The following KREMEN1 variants were observed in gnomAD, a reference collection of about 807,000 sequenced individuals.
KREMEN1 encodes kremen protein 1.
In KREMEN1, 30 loss-of-function variants were observed where a neutral mutation model predicts 46.5. The ratio of observed to expected loss-of-function variants is 0.65; its 90% CI spans 0.48 to 0.88. The LOEUF (loss-of-function observed/expected upper bound fraction) is 0.88. KREMEN1 is among the 40% of genes least tolerant of loss of function. The pLI is 0.00. For missense variants in KREMEN1, 533 were observed against 596.9 expected, an observed-to-expected ratio of 0.89 and a Z score of 1.11; for synonymous variants, 214 against 230.6, an observed-to-expected ratio of 0.93 and a Z score of 0.65.
At chr22:29,113,345 A>G (rs1467100198) in intron 3 of KREMEN1, among the ~76,000 whole-genome samples, 1 of 152,134 alleles carries the variant, frequency 6.6e-6, no homozygotes, top group South Asian at 2.1e-4. Flanking sequence ...CAGATGTAAG[A>G]GATTAATATT....
At chr22:29,088,626 G>C (rs2037765461) in intron 1 of KREMEN1, among the ~76,000 whole-genome samples, 1 of 152,084 alleles carries the variant, frequency 6.6e-6, no homozygotes, top group African/African-American at 2.4e-5. Context: ...CACCGCACCT[G>C]GCCTCAGAAT....
At chr22:29,128,916 C>G (rs1455222699) in intron 5 of KREMEN1, among the ~76,000 whole-genome samples, 1 of 152,180 alleles carries the variant, frequency 6.6e-6, no homozygotes, top group Non-Finnish European at 1.5e-5. Flanking sequence ...AATAACGGAT[C>G]CAGTTTTATG....
rs931416380 is a variant in KREMEN1, at chr22:29,132,143, A to C, written c.632-5199A>C. On this transcript the variant is annotated intron_variant, in intron 5 of 8. Transcript: ENST00000400335. ...CGCCTTTTCCTCCCAAAGTGCTGGG[A>C]TTACAGGTGTGAGCCACCACGACCG... 3.3e-5 allele frequency among the ~76,000 whole-genome samples: 5 copies of C among 152,220 alleles called. No homozygotes were observed. The East Asian group carries it at 9.6e-4, about 29-fold the overall frequency.
chr22:29,113,622 TTGA>T (rs1388056790), intron 3 of KREMEN1, among the ~76,000 whole-genome samples: 4 of 152,228 alleles, frequency 2.6e-5, no homozygotes, highest in Non-Finnish European at 4.4e-5. Flanking sequence ...CATTCCGCTG[TTGA>T]TGAAACTGAG....
At position 29,121,379 on chromosome 22, in the gene KREMEN1, C is replaced by G; in HGVS notation, c.375C>G (p.Tyr125Ter). The G allele has an allele frequency of 6.2e-7, 1 of 1,614,016 alleles. No individual in the cohort carries two copies. Among genetic ancestry groups the G allele is most frequent in the Non-Finnish European group, 8.5e-7 (1 of 1,179,982 alleles). The change falls in exon 4 of 9, where the codon TAC (tyrosine) becomes TAG (stop). Residue 125 changes from tyrosine (Y) to a stop codon, truncating the protein, a stop_gained. Transcript: ENST00000400335. LOFTEE classifies it high-confidence loss of function. ...TAGTGCCTGGAAACCTTGGCTGCTA[C>G]AAGGATCATGGAAACCCACCTCCTC... ...ACQMPGNLGC[Y>*]KDHGNPPPLT...
At chr22:29,154,076 C>T (rs1298134645) in intron 9 of KREMEN1, among the ~76,000 whole-genome samples, 5 of 152,110 alleles carry the variant, frequency 3.3e-5, no homozygotes, top group African/African-American at 1.2e-4. Context: ...AGTGACTGGC[C>T]TGTGAGTCCT....
At position 29,142,069 on chromosome 22, in the gene KREMEN1, G is replaced by A. The variant is rs1278145555; in HGVS notation, c.1334G>A (p.Gly445Asp). ...TCCATCTTTAAGAAGAAACTCAAGG[G>A]TCAGAGTCAACAAGATGACCGCAAT... ...SISIFKKKLK[G>D]QSQQDDRNPL... is the part of the protein sequence containing the mutation. Residue 445 changes from glycine (G) to aspartate (D), a missense_variant, in exon 9 of 9, where the codon GGT (glycine) becomes GAT (aspartate). Transcript: ENST00000400335. The A allele has an allele frequency of 6.2e-7, 1 of 1,612,464 alleles. No homozygotes were observed. Among genetic ancestry groups the A allele is most frequent in the South Asian group, 1.1e-5 (1 of 90,748 alleles).
rs745457999 is a variant in KREMEN1, at chr22:29,125,344, G to A, written c.559G>A (p.Glu187Lys). Residue 187 changes from glutamate to lysine, a missense_variant, in exon 5 of 9, where the codon GAA becomes AAA. Coordinates refer to ENST00000400335, the MANE Select transcript of KREMEN1 (RefSeq NM_001039570.3). Reference protein sequence around the residue: ...YWKYGEAASTECNSVCFGDHT... With the variant: ...YWKYGEAASTKCNSVCFGDHT... ...GAAGTACGGGGAGGCAGCCAGTACC[G>A]AATGCAACAGCGTCTGCTTCGGGGA... is the stretch of plus-strand genomic sequence containing the variant. 134 of 1,614,066 alleles carry A rather than the reference G, an allele frequency of 8.3e-5. No individual in the cohort carries two copies. The highest frequency in any genetic ancestry group is 1.0e-4 in the Non-Finnish European group (121 of 1,180,038).
chr22:29,152,376 C>T (rs1325421312), intron 9 of KREMEN1, among the ~76,000 whole-genome samples: 1 of 152,378 alleles, frequency 6.6e-6, no homozygotes, highest in East Asian at 1.9e-4. Context: ...ATTTGCCACC[C>T]TCAGCAATTC....
At chr22:29,087,573 T>C (rs1039220226) in intron 1 of KREMEN1, among the ~76,000 whole-genome samples, 2 of 151,280 alleles carry the variant, frequency 1.3e-5, no homozygotes, top group Admixed American at 6.6e-5. Context: ...ATGTCAAGTT[T>C]TTTTTTTTTT....
Position 29,137,409 on chromosome 22 carries a change from C to T in KREMEN1, c.699C>T (p.Pro233=), listed in dbSNP as rs376747118. Residue 233 remains proline (P), a synonymous_variant, in exon 6 of 9, where the codon CCC becomes CCT. Transcript: ENST00000400335. The part of the protein sequence containing the change: ...MSSVVYSPDF[P]DTYATGRVCY... The stretch of plus-strand genomic sequence containing the variant: ...CTGTGGTCTATTCCCCTGACTTCCC[C>T]GACACCTATGCCACGGGGAGGGTCT... The T allele has an allele frequency of 2.4e-5, 37 of 1,573,048 alleles. No homozygotes were observed. The Admixed American group carries it at 2.9e-4, about 12-fold the overall frequency.
chr22:29,153,437 C>G (rs2145869298), intron 9 of KREMEN1, among the ~76,000 whole-genome samples: 1 of 152,316 alleles, frequency 6.6e-6, no homozygotes, highest in Admixed American at 6.5e-5. Flanking sequence ...CAGCCTCACT[C>G]TCCTGGGTTT....
At chr22:29,086,643 GC>G (rs2037732961) in intron 1 of KREMEN1, among the ~76,000 whole-genome samples, 1 of 152,200 alleles carries the variant, frequency 6.6e-6, no homozygotes, top group East Asian at 1.9e-4. Context: ...AGGGTAGTCT[GC>G]CCAGGGGCTT....
chr22:29,151,871 G>A (rs1321333502), intron 9 of KREMEN1, among the ~76,000 whole-genome samples: 1 of 151,982 alleles, frequency 6.6e-6, no homozygotes, highest in African/African-American at 2.4e-5. Flanking sequence ...TTAGCCAGGT[G>A]TGGTAGCACA....
chr22:29,167,014 C>T (rs773677797), intron 9 of KREMEN1: 19 of 1,522,886 alleles, frequency 1.2e-5, no homozygotes, highest in Middle Eastern at 1.7e-4. Context: ...TACTTTCAGA[C>T]ACCACTCATT....
At chr22:29,161,961 C>CA (rs553280811) in intron 9 of KREMEN1, among the ~76,000 whole-genome samples, 276 of 151,742 alleles carry the variant, frequency 1.8e-3, no homozygotes, top group African/African-American at 6.5e-3. Context: ...ACTAAAAATA[C>CA]AAAAAAATTA....
In KREMEN1 at chr22:29,142,017, A is replaced by AT. The variant is rs2038770992; in HGVS notation, c.1288dup (p.Tyr430LeufsTer11). On this transcript the variant is annotated frameshift_variant, in exon 9 of 9. Coordinates refer to ENST00000400335, the MANE Select transcript of KREMEN1 (RefSeq NM_001039570.3). LOFTEE classifies it high-confidence loss of function. ...AGGGACTTCGGGGGAAATCTGGAGCATTTTTTACAAGCCTTCCACTTCAAT... is the reference window on the plus strand; with the variant it reads ...AGGGACTTCGGGGGAAATCTGGAGCATTTTTTTACAAGCCTTCCACTTCAAT... 3.7e-6 allele frequency: 6 copies of AT among 1,613,594 alleles called. No individual in the cohort carries two copies. Among genetic ancestry groups the AT allele is most frequent in the East Asian group, 4.5e-5 (2 of 44,830 alleles).
chr22:29,162,989 G>C (rs61500482), intron 9 of KREMEN1, among the ~76,000 whole-genome samples: 1 of 152,090 alleles, frequency 6.6e-6, no homozygotes, highest in Admixed American at 6.6e-5. Context: ...CCATTCACAA[G>C]TACATAAAAC....
chr22:29,105,478 T>TACACACACAC (rs10642386), intron 3 of KREMEN1, among the ~76,000 whole-genome samples: 2,271 of 146,962 alleles, frequency 0.015, 39 homozygotes, highest in East Asian at 0.03. Flanking sequence ...CACACACACA[T>TACACACACAC]ACACACACAC....
Sources: allele counts gnomAD v4.1 joint callset (sites outside exome capture counted in the v4.1 genomes callset), GRCh38; gene constraint gnomAD v4.1.1; transcripts MANE v1.5; gene names NCBI Gene and HGNC (gene_info 2026-07-23, HGNC 2026-07-21).